The following FOXN3 variants were observed in gnomAD, a reference collection of about 807,000 sequenced individuals.
The protein encoded by FOXN3 is forkhead box N3, also known as forkhead box protein N3.
Under a neutral mutation model 38.4 loss-of-function variants are expected in FOXN3, and 7 were observed. The ratio of observed to expected loss-of-function variants is 0.18; its 90% CI spans 0.10 to 0.34. FOXN3 has a LOEUF of 0.34. FOXN3 is among the 10% of genes least tolerant of loss of function. The pLI is 1.00. For missense variants in FOXN3, 456 were observed against 613.4 expected, an observed-to-expected ratio of 0.74 and a Z score of 2.71; for synonymous variants, 230 against 242.2, an observed-to-expected ratio of 0.95 and a Z score of 0.47.
intron 1 of FOXN3, among the ~76,000 whole-genome samples, chr14:89,590,309 A>G (rs971749665): frequency 6.6e-6 from 1 of 152,142 alleles, no homozygotes; most frequent in African/African-American, 2.4e-5. Flanking sequence ...ACCCACAGGG[A>G]CAATGAGAAA....
Position 89,162,957 on chromosome 14 carries a change from G to C in FOXN3, c.864C>G (p.Thr288=), listed in dbSNP as rs776920246. The C allele has an allele frequency of 6.4e-7, 1 of 1,562,462 alleles. No homozygotes were observed. The highest frequency in any genetic ancestry group is 1.2e-5 in the South Asian group (1 of 83,354). ...GVTAAMRNGI[T]SCRMRTESEP... is the part of the protein sequence containing the mutation. ...CACTCTCAGTCCGCATCCGGCAGCT[G>C]GTGATGCCATTCCTGCAGAGCGAGG... Residue 288 remains threonine (T), a synonymous_variant, in exon 6 of 6, where the codon ACC becomes ACG. Transcript: ENST00000557258. The surrounding 1 kb of genome is among the most constrained non-coding windows in gnomAD (Gnocchi z 7.2).
intron 4 of FOXN3, among the ~76,000 whole-genome samples, chr14:89,279,271 T>C (rs10498620): frequency 0.38 from 58,097 of 151,974 alleles, 12,982 homozygotes; most frequent in Middle Eastern, 0.6. Context: ...CTGGGGGAAT[T>C]TGTAACCCTA....
chr14:89,421,141 CTTTCTTTTTTTTTT>C, upstream of FOXN3, among the ~76,000 whole-genome samples: 1 of 123,978 alleles, frequency 8.1e-6, no homozygotes, highest in East Asian at 2.4e-4. Context: ...TATTTTCTTT[CTTTCTTTTTTTTTT>C]TTTTTTTTTT....
intron 4 of FOXN3, among the ~76,000 whole-genome samples, chr14:89,245,417 A>G (rs960362003): frequency 2.6e-5 from 4 of 152,124 alleles, no homozygotes; most frequent in Admixed American, 1.3e-4. Context: ...GAAACATTTC[A>G]CTGTCGAGTT....
chr14:89,597,068 C>A (rs977784400), intron 1 of FOXN3, among the ~76,000 whole-genome samples: 3 of 152,118 alleles, frequency 2.0e-5, no homozygotes, highest in Admixed American at 2.0e-4. Flanking sequence ...TATTTTTAAA[C>A]CTCTCTTCTT....
At chr14:89,566,901 T>TCC (rs1357234837) in intron 1 of FOXN3, among the ~76,000 whole-genome samples, 211 of 144,472 alleles carry the variant, frequency 1.5e-3, no homozygotes, top group African/African-American at 5.2e-3. Flanking sequence ...CCCTACCCCC[T>TCC]CCTTCTCCCC....
chr14:89,511,851 G>T (rs1381029048), intron 1 of FOXN3, among the ~76,000 whole-genome samples: 1 of 152,134 alleles, frequency 6.6e-6, no homozygotes, highest in Non-Finnish European at 1.5e-5. Flanking sequence ...ATAATGGCAG[G>T]AACAAGAAGA....
Position 89,159,408 on chromosome 14 carries a change from A to G in FOXN3, c.*3006T>C, listed in dbSNP as rs1887048775. On this transcript the variant is annotated 3_prime_UTR_variant, in exon 6 of 6. Transcript: ENST00000557258. ...GATCCAACGAAGGGAGACTCAGGAA[A>G]ATCACACTTAGAAAGCTGCCCGATG... 6.6e-6 allele frequency: 1 copy of G among 152,664 alleles called. No homozygotes were observed. The highest frequency in any genetic ancestry group is 2.1e-4 in the South Asian group (1 of 4,834). The allele number at this position is 152,664 out of a possible 1,614,324, so 9.5% of individuals were successfully genotyped here.
At chr14:89,399,088 C>T (rs1362228365) in intron 2 of FOXN3, among the ~76,000 whole-genome samples, 1 of 152,208 alleles carries the variant, frequency 6.6e-6, no homozygotes, top group Non-Finnish European at 1.5e-5. Context: ...CAGCCCAACC[C>T]CAGATGAAGG....
chr14:89,389,632 G>A (rs924059680), intron 2 of FOXN3, among the ~76,000 whole-genome samples: 9 of 152,188 alleles, frequency 5.9e-5, no homozygotes, highest in Non-Finnish European at 1.0e-4. Flanking sequence ...TAAAGACAAA[G>A]ACGGAAAAAC....
At chr14:89,614,458 G>A (rs765375022) in intron 1 of FOXN3, among the ~76,000 whole-genome samples, 5 of 152,116 alleles carry the variant, frequency 3.3e-5, no homozygotes, top group Non-Finnish European at 5.9e-5. Context: ...CTGTATGTAC[G>A]TAGGCTTCCT....
At chr14:89,339,521 G>A (rs28709837) in intron 3 of FOXN3, among the ~76,000 whole-genome samples, 32,469 of 152,066 alleles carry the variant, frequency 0.21, 3,523 homozygotes, top group African/African-American at 0.23. Flanking sequence ...TGGTTCTCTC[G>A]GATCCTGCTC....
At chr14:89,589,905 G>C (rs1244902264) in intron 1 of FOXN3, among the ~76,000 whole-genome samples, 1 of 152,134 alleles carries the variant, frequency 6.6e-6, no homozygotes, top group Non-Finnish European at 1.5e-5. Flanking sequence ...CCTCAGAGCT[G>C]TCCCAACTTC....
intron 1 of FOXN3, among the ~76,000 whole-genome samples, chr14:89,594,220 G>T (rs1002473237): frequency 1.2e-4 from 18 of 152,176 alleles, no homozygotes. Context: ...CATTGTGCCT[G>T]TACATCAGGA....
intron 2 of FOXN3, among the ~76,000 whole-genome samples, chr14:89,396,153 C>T (rs1216910509): frequency 1.3e-5 from 2 of 152,182 alleles, no homozygotes; most frequent in Admixed American, 1.3e-4. Flanking sequence ...CTCTCAAAGA[C>T]TTAAGCACAT....
At chr14:89,614,766 G>T (rs1341255103) in intron 1 of FOXN3, among the ~76,000 whole-genome samples, 1 of 152,178 alleles carries the variant, frequency 6.6e-6, no homozygotes, top group Non-Finnish European at 1.5e-5. Flanking sequence ...ATATATTAGG[G>T]TCTTGCATAA....
chr14:89,483,930 C>T (rs1325712849), intron 1 of FOXN3, among the ~76,000 whole-genome samples: 3 of 152,126 alleles, frequency 2.0e-5, no homozygotes, highest in Admixed American at 6.5e-5. Context: ...AAAATAAAAT[C>T]GTTCACACCC....
At chr14:89,256,676 C>T (rs1890392) in intron 4 of FOXN3, among the ~76,000 whole-genome samples, 95,193 of 151,970 alleles carry the variant, frequency 0.63, 29,787 homozygotes, top group African/African-American at 0.65. Context: ...CTTTTCTGCT[C>T]TCCCTAATCC....
intron 1 of FOXN3, among the ~76,000 whole-genome samples, chr14:89,575,635 G>T (rs1046478156): frequency 6.6e-6 from 1 of 152,040 alleles, no homozygotes; most frequent in African/African-American, 2.4e-5. Context: ...TGCCACGCTC[G>T]GGCCCTTGGA....
Sources: allele counts gnomAD v4.1 joint callset (sites outside exome capture counted in the v4.1 genomes callset), GRCh38; gene constraint gnomAD v4.1.1; non-coding constraint Gnocchi (gnomAD v3.1); transcripts MANE v1.5; gene names NCBI Gene and HGNC (gene_info 2026-07-23, HGNC 2026-07-21).